The following GSE1 variants were observed in gnomAD, a reference collection of about 807,000 sequenced individuals.
GSE1 encodes Gse1 coiled-coil protein.
Under a neutral mutation model 112.6 loss-of-function variants are expected in GSE1, and 32 were observed. The observed-to-expected ratio is 0.28, with a 90% CI of 0.21 to 0.38. GSE1 has a LOEUF of 0.38. GSE1 is among the 10% of genes least tolerant of loss of function. The pLI is 1.00. For synonymous variants in GSE1, 1,115 were observed against 735.6 expected, an observed-to-expected ratio of 1.52 and a Z score of -8.35; for missense variants, 2,348 against 1,699.2, an observed-to-expected ratio of 1.38 and a Z score of -6.71.
chr16:85,388,641 T>C (rs1175494980), intron 2 of GSE1, among the ~76,000 whole-genome samples: 1 of 150,662 alleles, frequency 6.6e-6, no homozygotes, highest in Non-Finnish European at 1.5e-5. Flanking sequence ...CATAGGTGTG[T>C]GGGTGGATGG....
intron 1 of GSE1, among the ~76,000 whole-genome samples, chr16:85,339,092 T>C (rs946611002): frequency 6.6e-6 from 1 of 152,204 alleles, no homozygotes; most frequent in African/African-American, 2.4e-5. Flanking sequence ...TCTCTTCCCC[T>C]GAACCTTTGC....
chr16:85,591,872 C>T (rs947196075), intron 1 of GSE1, among the ~76,000 whole-genome samples: 1 of 152,240 alleles, frequency 6.6e-6, no homozygotes, highest in Non-Finnish European at 1.5e-5. Context: ...TCTGCTGGAA[C>T]ATTCTACACT....
chr16:85,523,810 C>T (rs576410606), intron 2 of GSE1, among the ~76,000 whole-genome samples: 8 of 152,350 alleles, frequency 5.3e-5, no homozygotes, highest in South Asian at 4.1e-4. Flanking sequence ...GGCCCTCAGG[C>T]GCAGCGGTCT....
In GSE1 at chr16:85,478,903, C is replaced by CTTTTCTTTCT. The variant is rs1419317186; in HGVS notation, c.2464+121263_2464+121264insTCTTTCTTTT. ...TCTTTCTTTCTTTCTTTCTTTCTTTCTTTCTTTCTTTCTTTCTTTCTTTCT... is the reference window on the plus strand; with the variant it reads ...TCTTTCTTTCTTTCTTTCTTTCTTTCTTTTCTTTCTTTTCTTTCTTTCTTTCTTTCTTTCT... On this transcript the variant is annotated intron_variant, in intron 2 of 2. Coordinates refer to the GSE1 transcript ENST00000637419. 3.0e-5 allele frequency among the ~76,000 whole-genome samples: 2 copies of CTTTTCTTTCT among 67,532 alleles called. 1 individual carries two copies. Among genetic ancestry groups the CTTTTCTTTCT allele is most frequent in the African/African-American group, 1.4e-4 (2 of 14,226 alleles). The allele number at this position is 67,532 out of a possible 152,430, so 44.3% of individuals were successfully genotyped here.
At chr16:85,604,461 A>C (rs1304054603) in intron 1 of GSE1, among the ~76,000 whole-genome samples, 4 of 152,042 alleles carry the variant, frequency 2.6e-5, no homozygotes, top group African/African-American at 9.7e-5. Context: ...CCATGCTGAT[A>C]GGAACATCCG....
At chr16:85,662,681 C>T (rs890441673) in intron 9 of GSE1, 1 of 408,166 alleles carries the variant, frequency 2.4e-6, no homozygotes, top group Middle Eastern at 6.8e-4. Flanking sequence ...GACACAGCCC[C>T]AGGCCTGTGT....
intron 1 of GSE1, among the ~76,000 whole-genome samples, chr16:85,183,478 G>GC (rs2074637343): frequency 6.6e-6 from 1 of 152,308 alleles, no homozygotes; most frequent in African/African-American, 2.4e-5. Context: ...CACAGCCAGG[G>GC]CACCCAGACT....
At chr16:85,481,303 A>G (rs1170671850) in intron 2 of GSE1, among the ~76,000 whole-genome samples, 1 of 152,254 alleles carries the variant, frequency 6.6e-6, no homozygotes, top group African/African-American at 2.4e-5. Flanking sequence ...TGTAAAGCGC[A>G]TAGCACAGTC....
At chr16:85,397,300 C>T (rs890330469) in intron 2 of GSE1, among the ~76,000 whole-genome samples, 15 of 152,168 alleles carry the variant, frequency 9.9e-5, no homozygotes, top group Non-Finnish European at 1.3e-4. Context: ...CACAGCAGGG[C>T]ACTCAGGCTG....
At chr16:85,573,096 T>C (rs184525251) in intron 1 of GSE1, among the ~76,000 whole-genome samples, 3 of 152,330 alleles carry the variant, frequency 2.0e-5, no homozygotes, top group African/African-American at 7.2e-5. Flanking sequence ...ACTCCTGACC[T>C]CAGGTGATCC....
At chr16:85,564,079 T>A (rs75130064) in intron 1 of GSE1, among the ~76,000 whole-genome samples, 1 of 152,088 alleles carries the variant, frequency 6.6e-6, no homozygotes, top group Non-Finnish European at 1.5e-5. Flanking sequence ...GCAGAGGAGA[T>A]CTATGTTTTA....
At chr16:85,663,941 TC>T (rs2151972830) in intron 11 of GSE1, among the ~76,000 whole-genome samples, 1 of 152,374 alleles carries the variant, frequency 6.6e-6, no homozygotes, top group East Asian at 1.9e-4. Flanking sequence ...TGCCAGGTGT[TC>T]CAGGTTTGTC....
rs553458421 is a variant in GSE1, at chr16:85,419,889, G to C, written c.2464+62246G>C. On this transcript the variant is annotated intron_variant, in intron 2 of 2. Transcript: ENST00000637419. This position sits in a 1 kb window ranked among gnomAD's most constrained non-coding sequence, Gnocchi z 6.5. ...GACCACCACTGCTCTGGGAGGGTCA[G>C]AGTCGGGGGGACTGGGCTGGAACAG... Among the ~76,000 whole-genome samples the C allele has an allele frequency of 7.2e-5, 11 of 152,290 alleles. No individual in the cohort carries two copies. Among genetic ancestry groups the C allele is most frequent in the African/African-American group, 2.6e-4 (11 of 41,570 alleles).
chr16:85,345,066 C>T (rs1216864776), intron 1 of GSE1, among the ~76,000 whole-genome samples: 4 of 152,076 alleles, frequency 2.6e-5, no homozygotes, highest in Non-Finnish European at 5.9e-5. Flanking sequence ...CGGCGTACAC[C>T]GTGCCCCACC....
chr16:85,365,718 T>C (rs1164612172), intron 2 of GSE1, among the ~76,000 whole-genome samples: 1 of 152,218 alleles, frequency 6.6e-6, no homozygotes, highest in Non-Finnish European at 1.5e-5. Flanking sequence ...TGAAGGTTTA[T>C]AGTAGCCTAC....
intron 9 of GSE1, chr16:85,662,250 TG>T (rs140646263): frequency 0.052 from 8,065 of 155,742 alleles, 748 homozygotes; most frequent in African/African-American, 0.19. Flanking sequence ...TATTTCTGCT[TG>T]GGGGTGGGGC....
At chr16:85,186,195 G>A (rs1235693127) in intron 1 of GSE1, among the ~76,000 whole-genome samples, 3 of 152,150 alleles carry the variant, frequency 2.0e-5, no homozygotes, top group African/African-American at 7.2e-5. Flanking sequence ...AACAGGTTGG[G>A]TACAGTGGCT....
chr16:85,376,095 C>T (rs969836157), intron 2 of GSE1, among the ~76,000 whole-genome samples: 6 of 152,142 alleles, frequency 3.9e-5, no homozygotes, highest in African/African-American at 1.2e-4. Flanking sequence ...CCAACCCTCA[C>T]GGTCCTCACC....
At chr16:85,476,455 G>A (rs1028291357) in intron 2 of GSE1, among the ~76,000 whole-genome samples, 3 of 152,190 alleles carry the variant, frequency 2.0e-5, no homozygotes, top group Non-Finnish European at 4.4e-5. Flanking sequence ...TGGAACTCAC[G>A]TCTGCTTTAA....
Sources: allele counts gnomAD v4.1 joint callset (sites outside exome capture counted in the v4.1 genomes callset), GRCh38; gene constraint gnomAD v4.1.1; non-coding constraint Gnocchi (gnomAD v3.1); transcripts MANE v1.5; gene names NCBI Gene and HGNC (gene_info 2026-07-23, HGNC 2026-07-21).